The following DAW1 variants were observed in gnomAD, a reference collection of about 807,000 sequenced individuals.
DAW1 encodes dynein assembly factor with WD repeats 1, also known as dynein assembly factor with WD repeat domains 1.
Under a neutral mutation model 56.5 loss-of-function variants are expected in DAW1, and 47 were observed. The ratio of observed to expected loss-of-function variants is 0.83; its 90% CI spans 0.66 to 1.06. The LOEUF is 1.06. Ranked by LOEUF, DAW1 falls within the 50% of genes least tolerant of loss-of-function variation. DAW1 has a pLI of 0.00. For synonymous variants in DAW1, 190 were observed against 179.0 expected (o/e 1.06, Z -0.49); for missense variants, 505 against 499.3 (o/e 1.01, Z -0.11).
intron 1 of DAW1, among the ~76,000 whole-genome samples, chr2:227,883,840 A>G (rs535431718): frequency 3.9e-5 from 6 of 152,348 alleles, no homozygotes; most frequent in South Asian, 2.1e-4. Flanking sequence ...ATAACATGCT[A>G]TGAATTACTG....
intron 10 of DAW1, among the ~76,000 whole-genome samples, chr2:227,913,824 G>T (rs569699786): frequency 2.0e-5 from 3 of 151,786 alleles, no homozygotes; most frequent in Non-Finnish European, 1.5e-5. Flanking sequence ...TGATCATCAT[G>T]TATGACATTA....
intron 2 of DAW1, 39 bp downstream of exon 2, chr2:227,885,462 G>A (rs1284413117): frequency 2.7e-6 from 4 of 1,505,066 alleles, no homozygotes; most frequent in East Asian, 2.3e-5. Flanking sequence ...AATGTTCACT[G>A]GGAAGCCTTG....
intron 4 of DAW1, among the ~76,000 whole-genome samples, chr2:227,892,936 G>C (rs1691306914): frequency 6.6e-6 from 1 of 152,118 alleles, no homozygotes; most frequent in Non-Finnish European, 1.5e-5. Flanking sequence ...TATTCCTGTA[G>C]GAGAATAGCT....
intron 1 of DAW1, among the ~76,000 whole-genome samples, chr2:227,883,882 A>C (rs1255593504): frequency 6.6e-6 from 1 of 152,222 alleles, no homozygotes; most frequent in Non-Finnish European, 1.5e-5. Context: ...AATATTTAAA[A>C]AATTTCTCAA....
intron 10 of DAW1, among the ~76,000 whole-genome samples, chr2:227,910,529 T>C (rs1265510502): frequency 2.2e-5 from 2 of 89,292 alleles, no homozygotes; most frequent in African/African-American, 6.8e-5. Flanking sequence ...CACACACCCC[T>C]CATATTCTAG....
At chr2:227,892,483 A>T (rs1386339159) in intron 4 of DAW1, among the ~76,000 whole-genome samples, 3 of 152,224 alleles carry the variant, frequency 2.0e-5, no homozygotes, top group Admixed American at 6.5e-5. Context: ...TTCCAAATAC[A>T]TTCACATTCT....
Position 227,918,184 on chromosome 2 carries a change from C to CATCCATCCATCATCCATCCATCCATCT in DAW1, c.974-585_974-584insATCCATCCATCCATCTATCCATCCATC, listed in dbSNP as rs1279444108. ...TCCATCCATCCATCATCCATCCATC[C>CATCCATCCATCATCCATCCATCCATCT]ATCCATCCATCCATCCATCCATCCA... On this transcript the variant is annotated intron_variant, in intron 10 of 12. Transcript: ENST00000309931. 2.5e-3 allele frequency among the ~76,000 whole-genome samples: 173 copies of CATCCATCCATCATCCATCCATCCATCT among 70,570 alleles called. 1 individual carries two copies. Among genetic ancestry groups the CATCCATCCATCATCCATCCATCCATCT allele is most frequent in the African/African-American group, 7.1e-3 (160 of 22,558 alleles). 46.3% of individuals were successfully genotyped at this position (70,570 alleles called of 152,430 possible).
intron 1 of DAW1, among the ~76,000 whole-genome samples, chr2:227,881,007 A>G (rs896764374): frequency 1.3e-5 from 2 of 152,226 alleles, no homozygotes; most frequent in African/African-American, 4.8e-5. Flanking sequence ...TTAGTGTTTA[A>G]AGGTCAGGCA....
chr2:227,896,168 T>C (rs531009380), intron 5 of DAW1, among the ~76,000 whole-genome samples: 2 of 152,350 alleles, frequency 1.3e-5, no homozygotes, highest in African/African-American at 4.8e-5. Flanking sequence ...TATGCATTTT[T>C]ATATTCCAGA....
chr2:227,912,845 C>A (rs115361018), intron 10 of DAW1, among the ~76,000 whole-genome samples: 2,296 of 152,246 alleles, frequency 0.015, 30 homozygotes, highest in South Asian at 0.029. Flanking sequence ...ATGTCTTAGA[C>A]AACTATGTAT....
chr2:227,910,495 A>AACACACACACAC (rs55741229), intron 10 of DAW1, among the ~76,000 whole-genome samples: 6,584 of 145,250 alleles, frequency 0.045, 187 homozygotes, highest in East Asian at 0.16. Context: ...TTTGTGGATG[A>AACACACACACAC]ACACACACAC....
intron 11 of DAW1, among the ~76,000 whole-genome samples, chr2:227,921,027 G>A (rs922079472): frequency 2.6e-5 from 4 of 152,112 alleles, no homozygotes; most frequent in African/African-American, 7.2e-5. Context: ...GTTTGGCTAC[G>A]AAGGATCCTG....
intron 6 of DAW1, 129 bp downstream of exon 6, chr2:227,898,410 T>TC: frequency 9.0e-6 from 3 of 334,060 alleles, no homozygotes; most frequent in Non-Finnish European, 1.4e-5. Context: ...AAGCTCCGCC[T>TC]CCTGGGTTCA....
chr2:227,914,579 C>G (rs1449806467), intron 10 of DAW1, among the ~76,000 whole-genome samples: 2 of 152,046 alleles, frequency 1.3e-5, no homozygotes. Context: ...AAGAAGATTA[C>G]ATATGACGTT....
At chr2:227,892,666 A>G (rs989791616) in intron 4 of DAW1, among the ~76,000 whole-genome samples, 3 of 152,186 alleles carry the variant, frequency 2.0e-5, no homozygotes, top group African/African-American at 7.2e-5. Context: ...GGAGAGAATC[A>G]AAGATACCTT....
chr2:227,886,952 C>G (rs139933153), intron 2 of DAW1, among the ~76,000 whole-genome samples: 1 of 152,126 alleles, frequency 6.6e-6, no homozygotes, highest in African/African-American at 2.4e-5. Flanking sequence ...GGCCTGAGAC[C>G]GTAAGCAAAA....
At chr2:227,891,783 A>C (rs1204942550) in intron 4 of DAW1, among the ~76,000 whole-genome samples, 1 of 152,244 alleles carries the variant, frequency 6.6e-6, no homozygotes, top group Admixed American at 6.5e-5. Flanking sequence ...AAATAAACAC[A>C]AACTAGACAT....
At chr2:227,878,809 A>ATT (rs61488173) in intron 1 of DAW1, among the ~76,000 whole-genome samples, 10 of 138,136 alleles carry the variant, frequency 7.2e-5, no homozygotes, top group East Asian at 2.1e-4. Flanking sequence ...TTTAAATTTA[A>ATT]TTTTTTTTTT....
Position 227,893,894 on chromosome 2 carries a change from C to T in DAW1, c.417C>T (p.Ala139=), listed in dbSNP as rs769759876. 1.2e-6 allele frequency: 2 copies of T among 1,611,450 alleles called. No individual in the cohort carries two copies. The highest frequency in any genetic ancestry group is 3.4e-5 in the Admixed American group (2 of 59,418). ...TLEGHRNVVY[A]IAFNNPYGDK... ...AGGGCCACAGGAATGTGGTTTATGCCATAGCATTCAACAATCCTTACGGGT... is the reference window on the plus strand; with the variant it reads ...AGGGCCACAGGAATGTGGTTTATGCTATAGCATTCAACAATCCTTACGGGT... The change falls in exon 5 of 13, where the codon GCC becomes GCT. Residue 139 remains alanine, a synonymous_variant. Transcript: ENST00000309931.
Sources: allele counts gnomAD v4.1 joint callset (sites outside exome capture counted in the v4.1 genomes callset), GRCh38; gene constraint gnomAD v4.1.1; transcripts MANE v1.5; gene names NCBI Gene and HGNC (gene_info 2026-07-23, HGNC 2026-07-21).